Variants in ADAM12 observed in about 807,000 individuals in gnomAD.
ADAM12 encodes disintegrin and metalloproteinase domain-containing protein 12.
A neutral mutation model predicts 106.4 loss-of-function variants in ADAM12; 70 were observed. That is an observed-to-expected ratio of 0.66 (90% CI 0.54 to 0.80). ADAM12 has a LOEUF of 0.80. ADAM12 is among the 30% of genes least tolerant of loss of function. ADAM12 has a pLI of 0.00. For synonymous variants in ADAM12, 420 were observed against 433.5 expected (o/e 0.97, Z 0.39); for missense variants, 1,010 against 1,171.9 (o/e 0.86, Z 2.02).
chr10:126,249,616 A>G (rs1476889236), intron 3 of ADAM12, among the ~76,000 whole-genome samples: 2 of 152,110 alleles, frequency 1.3e-5, no homozygotes, highest in Non-Finnish European at 2.9e-5. Flanking sequence ...AGGCAGGAGA[A>G]TGGCGTCAAC....
At chr10:126,339,192 C>A (rs978379796) in intron 1 of ADAM12, among the ~76,000 whole-genome samples, 2 of 152,178 alleles carry the variant, frequency 1.3e-5, no homozygotes, top group Admixed American at 1.3e-4. Context: ...GCTGATGTTG[C>A]CCAAATCAAT....
chr10:126,142,902 T>C (rs1471121582), intron 4 of ADAM12, among the ~76,000 whole-genome samples: 1 of 152,110 alleles, frequency 6.6e-6, no homozygotes, highest in African/African-American at 2.4e-5. Flanking sequence ...TTTGTGTGTG[T>C]GCATGTGCAT....
chr10:126,184,462 C>T (rs1957365386), intron 3 of ADAM12, among the ~76,000 whole-genome samples: 1 of 152,130 alleles, frequency 6.6e-6, no homozygotes, highest in Admixed American at 6.5e-5. Context: ...CATGCTTAAA[C>T]CTTCATTAGT....
At chr10:126,190,350 T>G (rs2133801406) in intron 3 of ADAM12, among the ~76,000 whole-genome samples, 1 of 152,098 alleles carries the variant, frequency 6.6e-6, no homozygotes, top group East Asian at 1.9e-4. Context: ...ACTCAACTAC[T>G]CTTGCACCAC....
intron 18 of ADAM12, chr10:126,042,085 C>T: frequency 6.3e-7 from 1 of 1,599,256 alleles, no homozygotes; most frequent in Non-Finnish European, 8.5e-7. Flanking sequence ...GGACGCGTGA[C>T]CTCCTCTGCA....
intron 21 of ADAM12, among the ~76,000 whole-genome samples, chr10:126,034,896 A>G (rs1234642744): frequency 6.6e-6 from 1 of 152,196 alleles, no homozygotes; most frequent in East Asian, 1.9e-4. Flanking sequence ...AAAGATTACC[A>G]GAGCTAAACA....
At chr10:126,229,652 T>G (rs1015496342) in intron 3 of ADAM12, among the ~76,000 whole-genome samples, 1 of 103,716 alleles carries the variant, frequency 9.6e-6, no homozygotes, top group Non-Finnish European at 1.8e-5. Flanking sequence ...TCCCCCCCAC[T>G]GTCTCCCTCC....
In ADAM12 at chr10:126,071,460, C is replaced by T; in HGVS notation, c.1323+17G>A. On this transcript the variant is annotated intron_variant, in intron 12 of 22. Coordinates refer to ENST00000448723, the MANE Select transcript of ADAM12 (RefSeq NM_001288973.2). The stretch of plus-strand genomic sequence containing the variant: ...ATACAAGTCTTCTTGTATCCTTGTT[C>T]TGGGAATGGTTCTTACCTCTGGCTC... The T allele has an allele frequency of 6.2e-7, 1 of 1,612,042 alleles. No homozygotes were observed. The highest frequency in any genetic ancestry group is 8.5e-7 in the Non-Finnish European group (1 of 1,178,664).
intron 3 of ADAM12, among the ~76,000 whole-genome samples, chr10:126,198,449 A>C (rs1189371417): frequency 6.6e-6 from 1 of 152,216 alleles, no homozygotes; most frequent in Non-Finnish European, 1.5e-5. Flanking sequence ...GGGAGGGGCC[A>C]TATGTTCTGC....
intron 3 of ADAM12, among the ~76,000 whole-genome samples, chr10:126,185,080 T>G (rs1036169711): frequency 1.3e-5 from 2 of 152,226 alleles, no homozygotes; most frequent in African/African-American, 2.4e-5. Flanking sequence ...GGGCCATATA[T>G]CCTTTCAGGA....
At chr10:126,237,451 C>T (rs571837739) in intron 3 of ADAM12, among the ~76,000 whole-genome samples, 8 of 152,268 alleles carry the variant, frequency 5.3e-5, no homozygotes, top group African/African-American at 1.4e-4. Flanking sequence ...TGGCAGCACC[C>T]GCTCCCCCTT....
At chr10:126,370,910 T>C (rs531608356) in intron 1 of ADAM12, among the ~76,000 whole-genome samples, 8 of 152,330 alleles carry the variant, frequency 5.3e-5, no homozygotes, top group African/African-American at 1.9e-4. Flanking sequence ...TAATGGCCCA[T>C]ACCTCTAAGG....
intron 3 of ADAM12, among the ~76,000 whole-genome samples, chr10:126,181,533 T>C (rs1456029063): frequency 6.6e-6 from 1 of 152,192 alleles, no homozygotes; most frequent in African/African-American, 2.4e-5. Flanking sequence ...TACATATCTG[T>C]CCACCCACCC....
Position 126,038,290 on chromosome 10 carries a change from T to G in ADAM12, c.2300A>C (p.His767Pro). The G allele has an allele frequency of 2.0e-5, 32 of 1,612,246 alleles. No individual in the cohort carries two copies. Among genetic ancestry groups the G allele is most frequent in the Non-Finnish European group, 2.5e-5 (29 of 1,179,354 alleles). The part of the protein sequence containing the change: ...GFQPCQAHLG[H>P]LGKGLMRKPP... Reference sequence around the variant, plus strand: ...CTTCCTCATCAGGCCTTTTCCAAGGTGGCCGAGGTGAGCCTGACAGGGTTG... The same window carrying G: ...CTTCCTCATCAGGCCTTTTCCAAGGGGGCCGAGGTGAGCCTGACAGGGTTG... The change falls in exon 20 of 23, where the codon CAC becomes CCC. Residue 767 changes from histidine (H) to proline (P), a missense_variant. By Grantham distance (77) the His-to-Pro change is moderately conservative (BLOSUM62 -2). Transcript: ENST00000448723.
intron 2 of ADAM12, among the ~76,000 whole-genome samples, chr10:126,283,483 G>A (rs1185062658): frequency 2.0e-5 from 3 of 152,126 alleles, no homozygotes; most frequent in Non-Finnish European, 2.9e-5. Context: ...TTAAAAAGGC[G>A]GGCAGCCCCA....
At chr10:126,170,279 A>G (rs539652645) in intron 3 of ADAM12, among the ~76,000 whole-genome samples, 1 of 152,290 alleles carries the variant, frequency 6.6e-6, no homozygotes, top group East Asian at 1.9e-4. Context: ...CATCGTGGCC[A>G]GGAGACAGAC....
intron 3 of ADAM12, among the ~76,000 whole-genome samples, chr10:126,217,568 T>C (rs1342377959): frequency 6.6e-6 from 1 of 151,794 alleles, no homozygotes; most frequent in Non-Finnish European, 1.5e-5. Flanking sequence ...GGTTTCTCCA[T>C]GTTGGTCAGG....
At chr10:126,067,713 G>A (rs992805481) in intron 12 of ADAM12, among the ~76,000 whole-genome samples, 17 of 152,178 alleles carry the variant, frequency 1.1e-4, no homozygotes, top group Non-Finnish European at 2.2e-4. Context: ...TCATAAGATG[G>A]AACAGTTCAT....
At chr10:126,236,646 A>G (rs1056361178) in intron 3 of ADAM12, among the ~76,000 whole-genome samples, 1 of 150,184 alleles carries the variant, frequency 6.7e-6, no homozygotes, top group Admixed American at 6.6e-5. Flanking sequence ...ACAGGAAGGA[A>G]CACCCATAGG....
Sources: allele counts gnomAD v4.1 joint callset (sites outside exome capture counted in the v4.1 genomes callset), GRCh38; gene constraint gnomAD v4.1.1; transcripts MANE v1.5; gene names NCBI Gene and HGNC (gene_info 2026-07-23, HGNC 2026-07-21).